The following IPO8 variants were observed in gnomAD, a reference collection of about 807,000 sequenced individuals.
IPO8 encodes importin-8.
Under a neutral mutation model 141.2 loss-of-function variants are expected in IPO8, and 65 were observed. The ratio of observed to expected loss-of-function variants is 0.46; its 90% CI spans 0.38 to 0.57. The LOEUF (loss-of-function observed/expected upper bound fraction) is 0.57, where lower values mean the gene tolerates loss of function less well. Among genes scored for constraint, IPO8 ranks in the 20% least tolerant of loss-of-function variants. The pLI, the probability that IPO8 is intolerant of heterozygous loss-of-function variation, is 0.00. For synonymous variants in IPO8, 411 were observed against 420.3 expected (o/e 0.98, Z 0.27); for missense variants, 980 against 1,246.8 (o/e 0.79, Z 3.22).
At chr12:30,648,896 A>ATT (rs141616029) in intron 20 of IPO8, among the ~76,000 whole-genome samples, 1 of 151,794 alleles carries the variant, frequency 6.6e-6, no homozygotes, top group South Asian at 2.1e-4. Context: ...TTCCTTCATT[A>ATT]TTTTTTTGAT....
chr12:30,639,237 G>A (rs1021061643), intron 21 of IPO8, among the ~76,000 whole-genome samples: 15 of 151,766 alleles, frequency 9.9e-5, no homozygotes, highest in African/African-American at 3.6e-4. Flanking sequence ...ACTAATTCTT[G>A]TTGCCTAGAG....
intron 13 of IPO8, 31 bp from the exon 14 acceptor site, chr12:30,663,685 T>C: frequency 5.3e-6 from 8 of 1,520,344 alleles, no homozygotes; most frequent in Non-Finnish European, 7.1e-6. Flanking sequence ...AGTAGGGAGC[T>C]ATTAGGATTA....
intron 18 of IPO8, 49 bp downstream of exon 18, chr12:30,652,918 A>T (rs2136140594): frequency 6.7e-7 from 1 of 1,494,606 alleles, no homozygotes; most frequent in Non-Finnish European, 9.0e-7. Flanking sequence ...CAACAGGAAG[A>T]AGTATCTAGA....
chr12:30,673,608 T>C (rs867474804), intron 8 of IPO8, among the ~76,000 whole-genome samples: 1 of 152,210 alleles, frequency 6.6e-6, no homozygotes, highest in African/African-American at 2.4e-5. Context: ...CAATTCATAT[T>C]ATATAAGTCT....
chr12:30,632,613 T>G (rs1049276359), intron 23 of IPO8, among the ~76,000 whole-genome samples: 30 of 152,200 alleles, frequency 2.0e-4, no homozygotes, highest in African/African-American at 6.3e-4. Context: ...GCTTCTTTCT[T>G]AATGTCTTTC....
chr12:30,645,136 G>T (rs972649753), intron 20 of IPO8, among the ~76,000 whole-genome samples: 8 of 151,878 alleles, frequency 5.3e-5, no homozygotes, highest in Non-Finnish European at 1.2e-4. Flanking sequence ...CACTTTGGGG[G>T]GCTGAGGCTG....
chr12:30,656,789 T>C (rs117877623), intron 16 of IPO8, 39 bp from the exon 17 acceptor site: 80 of 942,024 alleles, frequency 8.5e-5, no homozygotes, highest in Admixed American at 6.9e-4. Flanking sequence ...AAAATTATCA[T>C]AATTAATACA....
intron 18 of IPO8, 27 bp from the exon 19 acceptor site, chr12:30,652,316 G>C: frequency 2.4e-6 from 3 of 1,241,280 alleles, no homozygotes; most frequent in Admixed American, 1.7e-5. Context: ...ATCCCAATGA[G>C]ACTTGAGTGA....
chr12:30,629,827 G>A lies in IPO8; in HGVS notation c.*1033C>T, dbSNP rs1220375462. 1 of 151,998 alleles carries A rather than the reference G, an allele frequency of 6.6e-6. No individual in the cohort carries two copies. The highest frequency in any genetic ancestry group is 2.4e-5 in the African/African-American group (1 of 41,380). The allele number at this position is 151,998 out of a possible 1,614,324, so 9.4% of individuals were successfully genotyped here. A position where few individuals can be genotyped will look rare whatever the true frequency, so the allele number is the denominator to read the frequency against. On this transcript the variant is annotated 3_prime_UTR_variant, in exon 25 of 25. Coordinates refer to ENST00000256079, the MANE Select transcript of IPO8 (RefSeq NM_006390.4). ...ATTCAAATAGGTGAGAAAGCAAGAA[G>A]TTAGATTTGTTTGGGTCTTTTTCCT...
At chr12:30,646,451 T>A (rs1182093888) in intron 20 of IPO8, among the ~76,000 whole-genome samples, 1 of 152,190 alleles carries the variant, frequency 6.6e-6, no homozygotes, top group African/African-American at 2.4e-5. Flanking sequence ...AGATGAGATG[T>A]CTCTTTTCAT....
chr12:30,688,341 G>C (rs1017529700), intron 2 of IPO8: 6 of 381,656 alleles, frequency 1.6e-5, no homozygotes, highest in Non-Finnish European at 2.5e-5. Context: ...CTCACAGTAA[G>C]GTAAGAAAGG....
chr12:30,640,721 CTTTT>C (rs895589595), intron 20 of IPO8, among the ~76,000 whole-genome samples: 5 of 152,096 alleles, frequency 3.3e-5, no homozygotes, highest in African/African-American at 1.2e-4. Flanking sequence ...TTGAAAAGCT[CTTTT>C]TGAGATGTTT....
At chr12:30,669,114 AAAAT>A in intron 10 of IPO8, 65 bp downstream of exon 10, 2 of 652,750 alleles carry the variant, frequency 3.1e-6, no homozygotes, top group Non-Finnish European at 5.1e-6. Context: ...CATTTGCTTA[AAAAT>A]ATAAATTTAG....
intron 24 of IPO8, 135 bp downstream of exon 24, chr12:30,631,760 A>T (rs2052435797): frequency 1.6e-6 from 1 of 636,544 alleles, no homozygotes; most frequent in Non-Finnish European, 2.8e-6. Flanking sequence ...CAATAATGAC[A>T]ATTCCTTATT....
intron 2 of IPO8, among the ~76,000 whole-genome samples, chr12:30,689,065 G>A (rs1393271383): frequency 6.6e-6 from 1 of 151,916 alleles, no homozygotes; most frequent in Non-Finnish European, 1.5e-5. Flanking sequence ...CACTGACTTG[G>A]AGCAATCTTC....
In IPO8 at chr12:30,646,449, T is replaced by A. The variant is rs973217143; in HGVS notation, c.2268+2688A>T. On this transcript the variant is annotated intron_variant, in intron 20 of 24. Transcript: ENST00000256079. The stretch of plus-strand genomic sequence containing the variant: ...TCCTAAGACCAGGAACAAGATGAGA[T>A]GTCTCTTTTCATCATAGCTATTCAA... 2.6e-5 allele frequency among the ~76,000 whole-genome samples: 4 copies of A among 152,176 alleles called. No homozygotes were observed. In the South Asian group the frequency reaches 6.2e-4, roughly 24 times the overall value.
At chr12:30,686,933 T>C (rs1346181108) in intron 2 of IPO8, among the ~76,000 whole-genome samples, 1 of 151,986 alleles carries the variant, frequency 6.6e-6, no homozygotes, top group Non-Finnish European at 1.5e-5. Context: ...TACAATGAGG[T>C]AAAATAAAAT....
intron 20 of IPO8, among the ~76,000 whole-genome samples, chr12:30,640,854 A>T (rs1315933023): frequency 1.3e-5 from 2 of 152,214 alleles, no homozygotes; most frequent in East Asian, 3.8e-4. Context: ...GGAGGAGGAC[A>T]TTGAATGTTC....
At chr12:30,676,053 A>G (rs2053116847) in intron 6 of IPO8, among the ~76,000 whole-genome samples, 1 of 151,830 alleles carries the variant, frequency 6.6e-6, no homozygotes, top group Non-Finnish European at 1.5e-5. Context: ...CAGCTTCCCA[A>G]GTAGCTGGCA....
Sources: gnomAD v4.1 joint callset for allele counts (sites outside exome capture counted in the v4.1 genomes callset) on GRCh38, gnomAD v4.1.1 for gene constraint, MANE v1.5 for transcripts, NCBI Gene and HGNC (gene_info 2026-07-23, HGNC 2026-07-21) for gene names.